MARCHF1: variants seen among roughly 807,000 people sequenced by gnomAD.
MARCHF1 encodes E3 ubiquitin-protein ligase MARCHF1.
In MARCHF1, 40 loss-of-function variants were observed where a neutral mutation model predicts 54.2. The observed-to-expected ratio is 0.74, with a 90% CI of 0.57 to 0.96. The LOEUF (loss-of-function observed/expected upper bound fraction) is 0.96, where lower values mean the gene tolerates loss of function less well. Among genes scored for constraint, MARCHF1 ranks in the 40% least tolerant of loss-of-function variants. The pLI, the probability that MARCHF1 is intolerant of heterozygous loss-of-function variation, is 0.00. For missense variants in MARCHF1, 586 were observed against 656.5 expected (o/e 0.89, Z 1.17); for synonymous variants, 236 against 236.3 (o/e 1.00, Z 0.01).
intron 3 of MARCHF1, among the ~76,000 whole-genome samples, chr4:163,957,835 T>C (rs1752260897): frequency 6.6e-6 from 1 of 152,066 alleles, no homozygotes; most frequent in East Asian, 1.9e-4. Flanking sequence ...ACCATCCAGA[T>C]ATGATCTGCA....
intron 3 of MARCHF1, among the ~76,000 whole-genome samples, chr4:163,921,658 G>A (rs1241862170): frequency 1.3e-5 from 2 of 151,952 alleles, no homozygotes; most frequent in East Asian, 3.9e-4. Context: ...GATTTAAAAT[G>A]GCTATGATAA....
At chr4:164,266,320 T>C (rs1733609866) in intron 1 of MARCHF1, among the ~76,000 whole-genome samples, 1 of 152,190 alleles carries the variant, frequency 6.6e-6, no homozygotes, top group Non-Finnish European at 1.5e-5. Context: ...GTCCAAATTG[T>C]TACTAAGAAT....
chr4:164,334,413 T>C (rs1376288632), intron 1 of MARCHF1, among the ~76,000 whole-genome samples: 2 of 152,082 alleles, frequency 1.3e-5, no homozygotes, highest in African/African-American at 4.8e-5. Flanking sequence ...TTATACTAAA[T>C]CTAATCTTCC....
At position 163,599,687 on chromosome 4, in the gene MARCHF1, T is replaced by C. The variant is rs1167203873; in HGVS notation, c.1010+12584A>G. 2.6e-5 allele frequency among the ~76,000 whole-genome samples: 4 copies of C among 152,170 alleles called. No individual in the cohort carries two copies. In the East Asian group the frequency reaches 5.8e-4, roughly 22 times the overall value. On this transcript the variant is annotated intron_variant, in intron 7 of 9. Coordinates refer to ENST00000514618, the MANE Select transcript of MARCHF1 (RefSeq NM_001394959.1). ...AACTTTACCATGCATCAGACTCGCATGGAGGGTCAGTTAAAACCTAGATGG... is the reference window on the plus strand; with the variant it reads ...AACTTTACCATGCATCAGACTCGCACGGAGGGTCAGTTAAAACCTAGATGG...
At chr4:163,872,290 C>T (rs559505177) in intron 3 of MARCHF1, among the ~76,000 whole-genome samples, 4 of 152,282 alleles carry the variant, frequency 2.6e-5, no homozygotes, top group African/African-American at 4.8e-5. Flanking sequence ...GCAAAGACAA[C>T]ACTTGAATAG....
chr4:164,281,416 G>C (rs1734022884), intron 1 of MARCHF1, among the ~76,000 whole-genome samples: 1 of 152,144 alleles, frequency 6.6e-6, no homozygotes, highest in South Asian at 2.1e-4. Context: ...CCTGTGGATG[G>C]GGAGCATTGA....
At chr4:163,545,777 T>C in intron 8 of MARCHF1, 34 bp from the exon 9 acceptor site, 1 of 1,603,512 alleles carries the variant, frequency 6.2e-7, no homozygotes, top group Non-Finnish European at 8.5e-7. Flanking sequence ...AAAACTGAAT[T>C]GCAAACTAGG....
intron 4 of MARCHF1, among the ~76,000 whole-genome samples, chr4:163,782,826 T>G (rs1181883794): frequency 6.6e-6 from 1 of 152,068 alleles, no homozygotes; most frequent in Non-Finnish European, 1.5e-5. Flanking sequence ...TATGAAGTAC[T>G]AGAACTAGGA....
chr4:164,061,649 T>C (rs929333781), intron 2 of MARCHF1, among the ~76,000 whole-genome samples: 2 of 151,278 alleles, frequency 1.3e-5, no homozygotes, highest in Non-Finnish European at 2.9e-5. Context: ...ACCTGCACAT[T>C]GTGCACATGT....
intron 4 of MARCHF1, among the ~76,000 whole-genome samples, chr4:163,735,031 G>T (rs764409592): frequency 6.6e-6 from 1 of 151,978 alleles, no homozygotes. Context: ...TTTTGACACC[G>T]AACATAAGCA....
intron 4 of MARCHF1, among the ~76,000 whole-genome samples, chr4:163,716,160 C>T (rs1394786936): frequency 6.6e-6 from 1 of 152,132 alleles, no homozygotes; most frequent in African/African-American, 2.4e-5. Context: ...TGGTTCTTTA[C>T]TTGGCAACAT....
chr4:163,825,327 T>C (rs183622885), intron 4 of MARCHF1, among the ~76,000 whole-genome samples: 14 of 152,206 alleles, frequency 9.2e-5, no homozygotes, highest in Admixed American at 9.2e-4. Flanking sequence ...CACCATTTTC[T>C]TTAACCAGTC....
chr4:164,337,411 A>G (rs564137900), intron 1 of MARCHF1, among the ~76,000 whole-genome samples: 30 of 152,368 alleles, frequency 2.0e-4, no homozygotes, highest in African/African-American at 7.2e-4. Flanking sequence ...CTCTGCCCAC[A>G]GGGAGAAGTG....
chr4:163,745,242 GCTGGGATTACAGGTGC>G (rs1746323413), intron 4 of MARCHF1, among the ~76,000 whole-genome samples: 1 of 150,242 alleles, frequency 6.7e-6, no homozygotes, highest in Non-Finnish European at 1.5e-5. Context: ...CCCCCGAGTA[GCTGGGATTACAGGTGC>G]CCACCACCAC....
chr4:164,233,843 A>C (rs1441600597), intron 1 of MARCHF1, among the ~76,000 whole-genome samples: 2 of 152,178 alleles, frequency 1.3e-5, no homozygotes, highest in Non-Finnish European at 2.9e-5. Flanking sequence ...TACCAATACC[A>C]CCATCACTAC....
chr4:164,327,721 A>G (rs950721256), intron 1 of MARCHF1, among the ~76,000 whole-genome samples: 2 of 152,216 alleles, frequency 1.3e-5, no homozygotes, highest in Middle Eastern at 3.2e-3. Flanking sequence ...GGAAAAACAT[A>G]CAACAATAAA....
chr4:163,682,488 G>C (rs751560838), intron 5 of MARCHF1, among the ~76,000 whole-genome samples: 2 of 152,144 alleles, frequency 1.3e-5, no homozygotes, highest in Non-Finnish European at 2.9e-5. Flanking sequence ...GTTTAGTGCC[G>C]CGGGCCCAGG....
chr4:164,349,965 A>G (rs1730231850), intron 1 of MARCHF1, among the ~76,000 whole-genome samples: 1 of 152,212 alleles, frequency 6.6e-6, no homozygotes, highest in African/African-American at 2.4e-5. Flanking sequence ...TTATGATTGT[A>G]TGATTTTGGT....
chr4:164,049,929 C>T (rs773355118), intron 2 of MARCHF1, among the ~76,000 whole-genome samples: 1 of 152,140 alleles, frequency 6.6e-6, no homozygotes, highest in Non-Finnish European at 1.5e-5. Flanking sequence ...AAATGTTACT[C>T]TGTAGTTTCA....
Sources: gnomAD v4.1 joint callset for allele counts (sites outside exome capture counted in the v4.1 genomes callset) on GRCh38, gnomAD v4.1.1 for gene constraint, MANE v1.5 for transcripts, NCBI Gene and HGNC (gene_info 2026-07-23, HGNC 2026-07-21) for gene names.